MYO9B: variants seen among roughly 807,000 people sequenced by gnomAD.
The protein encoded by MYO9B is myosin IXB, also known as unconventional myosin-IXb.
Under a neutral mutation model 229.5 loss-of-function variants are expected in MYO9B, and 71 were observed. That is an observed-to-expected ratio of 0.31 (90% CI 0.26 to 0.38). MYO9B has a LOEUF of 0.38. MYO9B is among the 10% of genes least tolerant of loss of function. MYO9B has a pLI of 1.00. For synonymous variants in MYO9B, 1,185 were observed against 1,235.8 expected (o/e 0.96, Z 0.86); for missense variants, 2,255 against 2,920.5 (o/e 0.77, Z 5.25).
chr19:17,183,754 G>T, intron 15 of MYO9B, 75 bp from the exon 16 acceptor site: 1 of 1,310,306 alleles, frequency 7.6e-7, no homozygotes, highest in Non-Finnish European at 1.1e-6. Context: ...CCCGCCAGGC[G>T]TGGCTTGCTG....
chr19:17,107,953 C>G (rs2057808113), intron 2 of MYO9B, among the ~76,000 whole-genome samples: 1 of 152,228 alleles, frequency 6.6e-6, no homozygotes, highest in African/African-American at 2.4e-5. Context: ...ACAGCCCCAC[C>G]TGGTCTGCTT....
intron 8 of MYO9B, among the ~76,000 whole-genome samples, chr19:17,161,457 T>C (rs1366269370): frequency 6.6e-6 from 1 of 151,994 alleles, no homozygotes; most frequent in Admixed American, 6.6e-5. Context: ...GGCAGAAGGA[T>C]TGCTTGAGCC....
chr19:17,105,319 C>CAAAAAA (rs36000160), intron 2 of MYO9B, among the ~76,000 whole-genome samples: 1 of 71,660 alleles, frequency 1.4e-5, no homozygotes, highest in Non-Finnish European at 2.6e-5. Context: ...CTGTCTCTAC[C>CAAAAAA]AAAAAAAAAA....
intron 2 of MYO9B, among the ~76,000 whole-genome samples, chr19:17,139,033 C>T (rs774848545): frequency 2.2e-4 from 33 of 152,192 alleles, no homozygotes; most frequent in South Asian, 8.3e-4. Flanking sequence ...AAAAATTAGT[C>T]GGGCATGGTG....
At chr19:17,206,616 TG>T in intron 33 of MYO9B, 62 bp from the exon 34 acceptor site, 1 of 1,431,920 alleles carries the variant, frequency 7.0e-7, no homozygotes. Context: ...GTCGTGTTGG[TG>T]GGGACAACAG....
chr19:17,168,048 C>T lies in MYO9B; in HGVS notation c.1777C>T (p.Leu593=). 1.2e-6 allele frequency: 2 copies of T among 1,612,774 alleles called. No individual in the cohort carries two copies. The highest frequency in any genetic ancestry group is 1.7e-6 in the Non-Finnish European group (2 of 1,179,458). The change falls in exon 11 of 40, where the codon CTG becomes TTG. Residue 593 remains leucine, a synonymous_variant. Transcript: ENST00000682292. ...SKKPTGLFYL[L]DEESNFPHAT... ...GAAACCCACGGGCCTCTTCTACCTG[C>T]TGGACGAGGAGAGCAAGTGAGTGTC...
At chr19:17,171,714 G>A (rs2072726743) in intron 11 of MYO9B, among the ~76,000 whole-genome samples, 1 of 152,212 alleles carries the variant, frequency 6.6e-6, no homozygotes, top group African/African-American at 2.4e-5. Flanking sequence ...TCGTTTGGGA[G>A]GCTGAGGCAG....
At chr19:17,177,208 A>T (rs1025981602) in intron 14 of MYO9B, among the ~76,000 whole-genome samples, 1 of 152,010 alleles carries the variant, frequency 6.6e-6, no homozygotes, top group African/African-American at 2.4e-5. Context: ...CTCAAAAAAA[A>T]GTTTTTGGAA....
rs368342918 is a variant in MYO9B at position 17,211,725 on chromosome 19, C to G, written c.6009C>G (p.Ala2003=). ...DEENLDSETS[A]STESLLEERA... ...AGAACCTGGACTCGGAGACGTCGGC[C>G]AGCACCGAGAGCCTGCTGGAGGAGC... The change falls in exon 39 of 40, where the codon GCC becomes GCG. Residue 2003 remains alanine (A), a synonymous_variant. Coordinates refer to ENST00000682292, the MANE Select transcript of MYO9B (RefSeq NM_004145.4). 42 of 1,612,748 alleles carry G rather than the reference C, an allele frequency of 2.6e-5. No homozygotes were observed. The highest frequency in any genetic ancestry group is 3.6e-5 in the Non-Finnish European group (42 of 1,179,704).
intron 2 of MYO9B, among the ~76,000 whole-genome samples, chr19:17,137,667 C>T (rs980092267): frequency 3.3e-5 from 5 of 152,186 alleles, no homozygotes; most frequent in Admixed American, 3.3e-4. Context: ...AGCAACTGTC[C>T]GGGCTTCAAG....
At chr19:17,082,593 G>A (rs906104206) in intron 1 of MYO9B, among the ~76,000 whole-genome samples, 1 of 152,106 alleles carries the variant, frequency 6.6e-6, no homozygotes, top group Non-Finnish European at 1.5e-5. Context: ...GGGTACTCAC[G>A]TGGGGCTTTA....
chr19:17,102,433 G>C lies in MYO9B; in HGVS notation c.716G>C (p.Gly239Ala). The C allele has an allele frequency of 6.2e-7, 1 of 1,613,970 alleles. No homozygotes were observed. The highest frequency in any genetic ancestry group is 8.5e-7 in the Non-Finnish European group (1 of 1,179,900). Reference sequence around the variant, plus strand: ...GTGAACCAGTGCATCGTGATCTCGGGTGAGAGCGGCTCCGGCAAGACCCAG... The same window carrying C: ...GTGAACCAGTGCATCGTGATCTCGGCTGAGAGCGGCTCCGGCAAGACCCAG... ...KRVNQCIVIS[G>A]ESGSGKTQST... is the part of the protein sequence containing the mutation. The change falls in exon 2 of 40, where the codon GGT (glycine) becomes GCT (alanine). Residue 239 changes from glycine (G) to alanine (A), a missense_variant. Physicochemically the swap from Gly to Ala is moderately conservative, Grantham distance 60. Around this residue, in one of 7 missense-constraint regions of MYO9B, gnomAD observed 386 missense variants for 515.2 expected, o/e 0.75. Transcript: ENST00000682292.
chr19:17,107,537 C>A (rs1347537751), intron 2 of MYO9B, among the ~76,000 whole-genome samples: 1 of 152,182 alleles, frequency 6.6e-6, no homozygotes, highest in Admixed American at 6.5e-5. Flanking sequence ...AGGGAGTCTC[C>A]AACAACAGGG....
rs1435268212 is a variant in MYO9B, at chr19:17,101,535, G to A, written c.-58-125G>A. On this transcript the variant is annotated intron_variant, in intron 1 of 39. Coordinates refer to ENST00000682292, the MANE Select transcript of MYO9B (RefSeq NM_004145.4). This position sits in a 1 kb window ranked among gnomAD's most constrained non-coding sequence, Gnocchi z 4.7. ...ACTGGTTGCCTCTGGCTTTTTGGGC[G>A]AGCCTAGTCGGGTGGGGAACTCCAG... The A allele has an allele frequency of 1.9e-5, 18 of 970,798 alleles. No individual in the cohort carries two copies. The highest frequency in any genetic ancestry group is 8.1e-5 in the East Asian group (3 of 37,242). 60.1% of individuals were successfully genotyped at this position (970,798 alleles called of 1,614,324 possible). A position where few individuals can be genotyped will look rare whatever the true frequency, so the allele number is the denominator to read the frequency against.
Position 17,112,906 on chromosome 19 carries a change from C to T in MYO9B, c.840+10349C>T, listed in dbSNP as rs535768208. ...AGGAGAGGTAAGTGTTGAGAGGGGG[C>T]GTGTGGCTCCCCTCTCATTGGGGGG... On this transcript the variant is annotated intron_variant, in intron 2 of 39. Transcript: ENST00000682292. Among the ~76,000 whole-genome samples, 12 of 152,302 alleles carry T rather than the reference C, an allele frequency of 7.9e-5. No individual in the cohort carries two copies. The East Asian group carries it at 1.9e-3, about 25-fold the overall frequency.
At chr19:17,180,904 G>T in intron 14 of MYO9B, 23 bp from the exon 15 acceptor site, 1 of 1,511,268 alleles carries the variant, frequency 6.6e-7, no homozygotes, top group Non-Finnish European at 9.1e-7. Flanking sequence ...CTGTCACTGC[G>T]CCCCCTCCAC....
intron 2 of MYO9B, among the ~76,000 whole-genome samples, chr19:17,136,227 C>T (rs2072267919): frequency 6.6e-6 from 1 of 152,108 alleles, no homozygotes; most frequent in Admixed American, 6.6e-5. Flanking sequence ...AGGAGGAGGG[C>T]CTAGGCCCAG....
chr19:17,122,746 C>T (rs1328163716), intron 2 of MYO9B, among the ~76,000 whole-genome samples: 2 of 152,122 alleles, frequency 1.3e-5, no homozygotes, highest in African/African-American at 4.8e-5. Flanking sequence ...AGAGGTTCAA[C>T]CATGGTGGAC....
chr19:17,091,566 G>A (rs145385014), intron 1 of MYO9B, among the ~76,000 whole-genome samples: 1 of 152,208 alleles, frequency 6.6e-6, no homozygotes, highest in African/African-American at 2.4e-5. Flanking sequence ...AATTAGCTGG[G>A]TATGGTAGTG....
Sources: gnomAD v4.1 joint callset for allele counts (sites outside exome capture counted in the v4.1 genomes callset) on GRCh38, gnomAD v4.1.1 for gene constraint, gnomAD v4.1.1 regional missense constraint, Gnocchi (gnomAD v3.1) non-coding constraint, MANE v1.5 for transcripts, NCBI Gene and HGNC (gene_info 2026-07-23, HGNC 2026-07-21) for gene names.